The following GPM6B variants were observed in gnomAD, a reference collection of about 807,000 sequenced individuals.
GPM6B encodes glycoprotein M6B.
Under a neutral mutation model 27.2 loss-of-function variants are expected in GPM6B, and 4 were observed. The observed-to-expected ratio is 0.15, with a 90% CI of 0.07 to 0.34. The LOEUF is 0.34. Among genes scored for constraint, GPM6B ranks in the 10% least tolerant of loss-of-function variants. The pLI is 1.00. For missense variants in GPM6B, 183 were observed against 261.9 expected (o/e 0.70, Z 2.08); for synonymous variants, 124 against 103.1 (o/e 1.20, Z -1.23).
At chrX:13,847,989 A>C (rs771295803) in intron 1 of GPM6B, among the ~76,000 whole-genome samples, 8 of 111,992 alleles carry the variant, frequency 7.1e-5, no homozygotes, top group Non-Finnish European at 1.3e-4. Flanking sequence ...TGGATGCTGT[A>C]ATATATCACC....
intron 1 of GPM6B, among the ~76,000 whole-genome samples, chrX:13,847,670 T>G (rs1046646073): frequency 1.8e-5 from 2 of 111,964 alleles, no homozygotes; most frequent in East Asian, 5.6e-4. Context: ...ATAATAAAGC[T>G]AAAAAGGCCC....
At chrX:13,845,933 T>C (rs1485717824) in intron 1 of GPM6B, among the ~76,000 whole-genome samples, 2 of 112,049 alleles carry the variant, frequency 1.8e-5, no homozygotes, top group Non-Finnish European at 3.8e-5. Context: ...ACGTAGGAGG[T>C]TGTGTCCTAC....
intron 1 of GPM6B, among the ~76,000 whole-genome samples, chrX:13,831,177 T>TACAC (rs536337642): frequency 0.059 from 4,835 of 81,514 alleles, 244 homozygotes; most frequent in African/African-American, 0.15. Flanking sequence ...AAGAGCTCAG[T>TACAC]ACACACACAC....
chrX:13,845,924 C>T (rs777108320), intron 1 of GPM6B, among the ~76,000 whole-genome samples: 3 of 112,101 alleles, frequency 2.7e-5, no homozygotes, highest in South Asian at 3.7e-4. Flanking sequence ...ACCACTCCCA[C>T]GTAGGAGGTT....
chrX:13,777,302 T>C, intron 6 of GPM6B, 50 bp downstream of exon 6: 1 of 937,550 alleles, frequency 1.1e-6, no homozygotes, highest in Non-Finnish European at 1.5e-6. Flanking sequence ...GGAGAACCCT[T>C]TTTTCTCAGC....
chrX:13,924,540 C>T (rs767268460), intron 1 of GPM6B, among the ~76,000 whole-genome samples: 3 of 111,585 alleles, frequency 2.7e-5, no homozygotes, highest in South Asian at 7.6e-4. Flanking sequence ...TAGGCTCAAG[C>T]GACCCTCCCA....
At chrX:13,794,151 C>T (rs2048764626) in intron 2 of GPM6B, among the ~76,000 whole-genome samples, 1 of 109,536 alleles carries the variant, frequency 9.1e-6, no homozygotes, top group African/African-American at 3.3e-5. Context: ...TTTTGCAGAC[C>T]TCTGTTAAAG....
At chrX:13,878,157 G>T in intron 1 of GPM6B, among the ~76,000 whole-genome samples, 1 of 64,228 alleles carries the variant, frequency 1.6e-5, no homozygotes, top group Admixed American at 2.1e-4. Flanking sequence ...TAATAAAGCT[G>T]TTAAAAAAAA....
At chrX:13,834,371 A>G (rs1403521761) in intron 1 of GPM6B, among the ~76,000 whole-genome samples, 1 of 112,877 alleles carries the variant, frequency 8.9e-6, no homozygotes, top group Non-Finnish European at 1.9e-5. Flanking sequence ...TTTTTACAAA[A>G]TGCCTTTTAA....
intron 3 of GPM6B, among the ~76,000 whole-genome samples, chrX:13,784,156 C>T (rs2048568153): frequency 8.8e-6 from 1 of 113,026 alleles, no homozygotes; most frequent in African/African-American, 3.2e-5. Context: ...TGTCCTCAGC[C>T]TTCGGCTGCC....
upstream of GPM6B, chrX:13,817,160 G>A (rs749359036): frequency 4.3e-6 from 4 of 920,180 alleles, no homozygotes; most frequent in South Asian, 5.4e-5. Flanking sequence ...ATCCCAGTTA[G>A]AAAACAGCCA....
At chrX:13,922,941 C>T (rs1205145812) in intron 1 of GPM6B, among the ~76,000 whole-genome samples, 3 of 111,842 alleles carry the variant, frequency 2.7e-5, no homozygotes, top group African/African-American at 9.7e-5. Flanking sequence ...TTTGGGAGGT[C>T]GAGGCGGGCA....
chrX:13,821,958 C>T (rs560051580), upstream of GPM6B, among the ~76,000 whole-genome samples: 95 of 111,867 alleles, frequency 8.5e-4, 4 homozygotes, highest in South Asian at 0.036. Flanking sequence ...CATCAAGTTG[C>T]ATAATGATAT....
At chrX:13,897,714 G>T (rs1380283271) in intron 1 of GPM6B, among the ~76,000 whole-genome samples, 1 of 111,666 alleles carries the variant, frequency 9.0e-6, no homozygotes, top group Non-Finnish European at 1.9e-5. Context: ...ATATTCAGAA[G>T]GCCAAAGGAA....
intron 2 of GPM6B, among the ~76,000 whole-genome samples, chrX:13,804,146 G>A (rs1038111220): frequency 9.0e-5 from 10 of 111,146 alleles, no homozygotes; most frequent in African/African-American, 3.0e-4. Context: ...GGGCTGGGTG[G>A]GACCTGGGAC....
intron 2 of GPM6B, among the ~76,000 whole-genome samples, chrX:13,806,477 T>A (rs1288871458): frequency 1.8e-5 from 2 of 111,944 alleles, no homozygotes; most frequent in Non-Finnish European, 3.8e-5. Context: ...TGATGTCACC[T>A]CATGCTCACC....
chrX:13,888,004 C>A (rs2050153471), intron 1 of GPM6B, among the ~76,000 whole-genome samples: 1 of 111,953 alleles, frequency 8.9e-6, no homozygotes, highest in African/African-American at 3.2e-5. Flanking sequence ...GCGCTAATTG[C>A]AGAATTTTAT....
intron 2 of GPM6B, among the ~76,000 whole-genome samples, chrX:13,806,875 T>C (rs746760292): frequency 8.9e-6 from 1 of 112,284 alleles, no homozygotes; most frequent in African/African-American, 3.2e-5. Flanking sequence ...GTTTGAACTA[T>C]GGTTGTACAC....
intron 1 of GPM6B, among the ~76,000 whole-genome samples, chrX:13,851,511 A>T (rs2049718048): frequency 9.0e-6 from 1 of 111,530 alleles, no homozygotes; most frequent in African/African-American, 3.3e-5. Context: ...ATGATTATTC[A>T]AATGCCTTGC....
Sources: gnomAD v4.1 joint callset for allele counts (sites outside exome capture counted in the v4.1 genomes callset) on GRCh38, gnomAD v4.1.1 for gene constraint, MANE v1.5 for transcripts, NCBI Gene and HGNC (gene_info 2026-07-23, HGNC 2026-07-21) for gene names.